Variants in COL5A1 observed in about 807,000 individuals in gnomAD.
COL5A1 encodes the protein collagen alpha-1(V) chain.
In COL5A1, 16 loss-of-function variants were observed where a neutral mutation model predicts 263.7. The observed-to-expected ratio is 0.06, with a 90% CI of 0.04 to 0.09. The LOEUF is 0.09. Ranked by LOEUF, COL5A1 falls within the 10% of genes least tolerant of loss-of-function variation. The pLI, the probability that COL5A1 is intolerant of heterozygous loss-of-function variation, is 1.00. For synonymous variants in COL5A1, 1,012 were observed against 1,004.5 expected (o/e 1.01, Z -0.14); for missense variants, 2,036 against 2,540.5 (o/e 0.80, Z 4.27).
intron 1 of COL5A1, among the ~76,000 whole-genome samples, chr9:134,685,307 A>ATTCAT (rs1833000861): frequency 7.3e-6 from 1 of 137,396 alleles, no homozygotes; most frequent in Non-Finnish European, 1.6e-5. Flanking sequence ...CCATCCATCC[A>ATTCAT]CCATCCATCC....
intron 1 of COL5A1, among the ~76,000 whole-genome samples, chr9:134,664,283 C>T (rs1379403159): frequency 6.6e-6 from 1 of 152,102 alleles, no homozygotes; most frequent in African/African-American, 2.4e-5. Flanking sequence ...ACATGGGAGG[C>T]CAGGTTTTAC....
intron 4 of COL5A1, among the ~76,000 whole-genome samples, chr9:134,724,111 T>A (rs888885730): frequency 6.6e-6 from 1 of 152,120 alleles, no homozygotes; most frequent in African/African-American, 2.4e-5. Context: ...TCACACCTGC[T>A]GTTGGGCCCC....
At chr9:134,740,560 C>G (rs1318826960) in intron 11 of COL5A1, among the ~76,000 whole-genome samples, 1 of 152,240 alleles carries the variant, frequency 6.6e-6, no homozygotes, top group African/African-American at 2.4e-5. Flanking sequence ...CTGACTGACA[C>G]TGCCTCAGTG....
intron 59 of COL5A1, 21 bp from the exon 60 acceptor site, chr9:134,822,977 T>C: frequency 6.2e-7 from 1 of 1,613,920 alleles, no homozygotes; most frequent in Non-Finnish European, 8.5e-7. Context: ...TTGCTGACGT[T>C]CTGCCCTCCT....
chr9:134,817,698 C>A, intron 53 of COL5A1, 80 bp from the exon 54 acceptor site: 3 of 1,305,728 alleles, frequency 2.3e-6, no homozygotes, highest in Non-Finnish European at 2.2e-6. Context: ...CACACACACA[C>A]CCTGAGCGCC....
intron 11 of COL5A1, among the ~76,000 whole-genome samples, chr9:134,746,767 A>G (rs1835528051): frequency 6.6e-6 from 1 of 152,260 alleles, no homozygotes; most frequent in Admixed American, 6.5e-5. Context: ...ACAGGAAAAT[A>G]CATGCAAATA....
At position 134,682,255 on chromosome 9, in the gene COL5A1, C is replaced by T. The variant is rs977361886; in HGVS notation, c.110-8657C>T. Reference sequence around the variant, plus strand: ...CACTATTCGGCTGGGTGCCAGGGACCCAGCCTAGTGCCTCGCCTTCCCCCA... The same window carrying T: ...CACTATTCGGCTGGGTGCCAGGGACTCAGCCTAGTGCCTCGCCTTCCCCCA... On this transcript the variant is annotated intron_variant, in intron 1 of 65. Coordinates refer to ENST00000371817, the MANE Select transcript of COL5A1 (RefSeq NM_000093.5). The surrounding 1 kb of genome is among the most constrained non-coding windows in gnomAD (Gnocchi z 5.1). 6.6e-6 allele frequency among the ~76,000 whole-genome samples: 1 copy of T among 152,136 alleles called. No homozygotes were observed. Among genetic ancestry groups the T allele is most frequent in the African/African-American group, 2.4e-5 (1 of 41,418 alleles).
chr9:134,761,533 T>A (rs1836443850), intron 18 of COL5A1, among the ~76,000 whole-genome samples: 1 of 152,252 alleles, frequency 6.6e-6, no homozygotes, highest in African/African-American at 2.4e-5. Flanking sequence ...ACCCACTGCG[T>A]GCGAGCTCTG....
chr9:134,731,067 C>T (rs1166508154), intron 7 of COL5A1, among the ~76,000 whole-genome samples: 5 of 152,184 alleles, frequency 3.3e-5, no homozygotes, highest in Non-Finnish European at 5.9e-5. Flanking sequence ...TCAGGAGGAG[C>T]CTTGCGTAGT....
rs753433375 is a variant in COL5A1 at position 134,824,810 on chromosome 9, C to T, written c.4909C>T (p.Arg1637Cys). ...CCTGGGCACGCAGCAGAACCCCGCC[C>T]GCACCTGCAAGGACCTGCAGCTCTG... The part of the protein sequence containing the change: ...RPLGTQQNPA[R>C]TCKDLQLCHP... Residue 1637 changes from arginine to cysteine, a missense_variant, in exon 62 of 66, where the codon CGC becomes TGC. Transcript: ENST00000371817. The T allele has an allele frequency of 2.0e-5, 33 of 1,613,818 alleles. No individual in the cohort carries two copies. The highest frequency in any genetic ancestry group is 5.5e-5 in the South Asian group (5 of 91,092).
At chr9:134,759,730 TCATA>T (rs1413706868) in intron 18 of COL5A1, among the ~76,000 whole-genome samples, 1 of 22,606 alleles carries the variant, frequency 4.4e-5, no homozygotes, top group Non-Finnish European at 6.8e-5. Flanking sequence ...ACCCCCACAC[TCATA>T]CACACACACC....
intron 65 of COL5A1, among the ~76,000 whole-genome samples, chr9:134,838,339 G>C (rs1202251680): frequency 6.6e-6 from 1 of 152,200 alleles, no homozygotes; most frequent in Non-Finnish European, 1.5e-5. Context: ...TCTACACACA[G>C]AACTAAGGTG....
chr9:134,745,077 A>G (rs1421976486), intron 11 of COL5A1, among the ~76,000 whole-genome samples: 1 of 152,172 alleles, frequency 6.6e-6, no homozygotes, highest in Non-Finnish European at 1.5e-5. Flanking sequence ...TTTATCTTCA[A>G]AGCTTAGTCC....
chr9:134,842,183 T>G lies in COL5A1; in HGVS notation c.5397T>G (p.Val1799=). The change falls in exon 66 of 66, where the codon GTT becomes GTG. Residue 1799 remains valine (V), a synonymous_variant. Coordinates refer to ENST00000371817, the MANE Select transcript of COL5A1 (RefSeq NM_000093.5). The surrounding 1 kb of genome is among the most constrained non-coding windows in gnomAD (Gnocchi z 5.8). ...CCAAGAAAGGCTACCAGAAGACGGT[T>G]CTGGAGATCGACACCCCCAAAGTGG... ...CATKKGYQKT[V]LEIDTPKVEQ... 2 of 1,613,902 alleles carry G rather than the reference T, an allele frequency of 1.2e-6. No homozygotes were observed. Among genetic ancestry groups the G allele is most frequent in the Non-Finnish European group, 1.7e-6 (2 of 1,179,952 alleles).
At position 134,821,191 on chromosome 9, in the gene COL5A1, G is replaced by T. The variant is rs1838984720; in HGVS notation, c.4555-906G>T. Among the ~76,000 whole-genome samples, 1 of 152,110 alleles carries T rather than the reference G, an allele frequency of 6.6e-6. No homozygotes were observed. The highest frequency in any genetic ancestry group is 6.5e-5 in the Admixed American group (1 of 15,286). On this transcript the variant is annotated intron_variant, in intron 58 of 65. Coordinates refer to ENST00000371817, the MANE Select transcript of COL5A1 (RefSeq NM_000093.5). This position sits in a 1 kb window ranked among gnomAD's most constrained non-coding sequence, Gnocchi z 4.2. ...GGTGGCCCGGCAACCACGAGAATTAGAGAGGCATCCAGGGTCCCCACGGCC... is the reference window on the plus strand; with the variant it reads ...GGTGGCCCGGCAACCACGAGAATTATAGAGGCATCCAGGGTCCCCACGGCC...
In COL5A1 at chr9:134,789,036, G is replaced by A; in HGVS notation, c.2647-119G>A. On this transcript the variant is annotated intron_variant, in intron 31 of 65. Transcript: ENST00000371817. The surrounding 1 kb of genome is among the most constrained non-coding windows in gnomAD (Gnocchi z 4.8). ...GGTAGGTGGGTGGTTGGGTGGGTGG[G>A]CAGGTGGAGTCTGGGGCAGAGGCTG... The A allele has an allele frequency of 2.4e-6, 2 of 816,724 alleles. No individual in the cohort carries two copies. The highest frequency in any genetic ancestry group is 4.0e-6 in the Non-Finnish European group (2 of 494,032). The allele number at this position is 816,724 out of a possible 1,614,324, so 50.6% of individuals were successfully genotyped here.
intron 18 of COL5A1, among the ~76,000 whole-genome samples, chr9:134,760,284 C>CAT (rs1836300134): frequency 8.5e-6 from 1 of 117,220 alleles, no homozygotes; most frequent in African/African-American, 3.5e-5. Flanking sequence ...TGCACACACG[C>CAT]ACACACCCCC....
chr9:134,792,832 C>A lies in COL5A1; in HGVS notation c.2701-2250C>A, dbSNP rs539293583. Among the ~76,000 whole-genome samples the A allele has an allele frequency of 5.0e-5, 7 of 139,450 alleles. No individual in the cohort carries two copies. The South Asian group carries it at 1.5e-3, about 30-fold the overall frequency. 91.5% of individuals were successfully genotyped at this position (139,450 alleles called of 152,430 possible). A position where few individuals can be genotyped will look rare whatever the true frequency, so the allele number is the denominator to read the frequency against. On this transcript the variant is annotated intron_variant, in intron 32 of 65. Transcript: ENST00000371817. ...GCATGTGTGTGCATGTGTGTGTATGCATGTGTATGTGTGTGTGCGCACACG... is the reference window on the plus strand; with the variant it reads ...GCATGTGTGTGCATGTGTGTGTATGAATGTGTATGTGTGTGTGCGCACACG...
rs1048968449 is a variant in COL5A1, at chr9:134,696,867, G to C, written c.278-3042G>C. Among the ~76,000 whole-genome samples, 3 of 152,024 alleles carry C rather than the reference G, an allele frequency of 2.0e-5. No homozygotes were observed. Among genetic ancestry groups the C allele is most frequent in the Non-Finnish European group, 2.9e-5 (2 of 68,016 alleles). On this transcript the variant is annotated intron_variant, in intron 2 of 65. Transcript: ENST00000371817. The surrounding 1 kb of genome is among the most constrained non-coding windows in gnomAD (Gnocchi z 4.3). ...AGGCGGATCACGAGGTCAGGAGATCGAGACCATCCTGGCTAACACGGTGAA... is the reference window on the plus strand; with the variant it reads ...AGGCGGATCACGAGGTCAGGAGATCCAGACCATCCTGGCTAACACGGTGAA...
Sources: gnomAD v4.1 joint callset for allele counts (sites outside exome capture counted in the v4.1 genomes callset) on GRCh38, gnomAD v4.1.1 for gene constraint, Gnocchi (gnomAD v3.1) non-coding constraint, MANE v1.5 for transcripts, NCBI Gene and HGNC (gene_info 2026-07-23, HGNC 2026-07-21) for gene names.